Variants in EPHA6 observed in about 807,000 individuals in gnomAD.
EPHA6 encodes EPH receptor A6.
A neutral mutation model predicts 112.0 loss-of-function variants in EPHA6; 50 were observed. The observed-to-expected ratio is 0.45, with a 90% CI of 0.36 to 0.56. The LOEUF (loss-of-function observed/expected upper bound fraction) is 0.56. Among genes scored for constraint, EPHA6 ranks in the 20% least tolerant of loss-of-function variants. EPHA6 has a pLI of 0.00. For missense variants in EPHA6, 1,280 were observed against 1,417.4 expected (o/e 0.90, Z 1.56); for synonymous variants, 529 against 490.7 (o/e 1.08, Z -1.03).
At chr3:97,388,884 A>T (rs749333643) in intron 5 of EPHA6, among the ~76,000 whole-genome samples, 6 of 152,132 alleles carry the variant, frequency 3.9e-5, no homozygotes, top group Non-Finnish European at 7.4e-5. Flanking sequence ...CTGCACAGCT[A>T]TTCTGAGGTT....
chr3:97,221,689 G>A (rs371660324), intron 3 of EPHA6, among the ~76,000 whole-genome samples: 1 of 152,180 alleles, frequency 6.6e-6, no homozygotes, highest in East Asian at 1.9e-4. Flanking sequence ...CTCATGTTCG[G>A]TATTAGCATT....
chr3:97,535,248 C>A (rs1057210403), intron 11 of EPHA6, among the ~76,000 whole-genome samples: 22 of 148,436 alleles, frequency 1.5e-4, no homozygotes, highest in African/African-American at 4.4e-4. Context: ...AGAAATGAGA[C>A]CAGTGACCTC....
chr3:97,259,802 C>A (rs1242518041), intron 5 of EPHA6, among the ~76,000 whole-genome samples: 2 of 141,058 alleles, frequency 1.4e-5, no homozygotes, highest in East Asian at 4.0e-4. Context: ...AGAAAGTATA[C>A]CTTTTTTTTT....
At chr3:97,317,746 T>C (rs944859993) in intron 5 of EPHA6, among the ~76,000 whole-genome samples, 1 of 151,988 alleles carries the variant, frequency 6.6e-6, no homozygotes, top group Non-Finnish European at 1.5e-5. Context: ...GGAGATGAGA[T>C]AATTAAGCAT....
At chr3:97,346,196 A>G (rs2083524115) in intron 5 of EPHA6, among the ~76,000 whole-genome samples, 1 of 152,122 alleles carries the variant, frequency 6.6e-6, no homozygotes, top group Non-Finnish European at 1.5e-5. Context: ...TCTTCCCTTC[A>G]AAGTCTGCAA....
At chr3:97,092,490 A>G (rs1463356460) in intron 3 of EPHA6, among the ~76,000 whole-genome samples, 1 of 152,128 alleles carries the variant, frequency 6.6e-6, no homozygotes, top group Non-Finnish European at 1.5e-5. Flanking sequence ...TTTCCCTCAA[A>G]TACCAGTTTT....
chr3:96,931,022 G>GAAAA lies in EPHA6; in HGVS notation c.451-56307_451-56304dup, dbSNP rs2040297475. On this transcript the variant is annotated intron_variant, in intron 2 of 17. Transcript: ENST00000389672. ...AAAAAAAAAAAAAAAAAAAAAAAAA[G>GAAAA]AAAAGCTTTCTGGCTGCTTTTTGGT... Among the ~76,000 whole-genome samples the GAAAA allele has an allele frequency of 4.3e-4, 43 of 101,124 alleles. 2 individuals are homozygous for GAAAA. Among genetic ancestry groups the GAAAA allele is most frequent in the Non-Finnish European group, 5.5e-4 (27 of 48,856 alleles). 66.3% of individuals were successfully genotyped at this position (101,124 alleles called of 152,430 possible).
intron 5 of EPHA6, among the ~76,000 whole-genome samples, chr3:97,342,381 GT>G (rs1559903498): frequency 6.6e-6 from 1 of 152,150 alleles, no homozygotes; most frequent in Non-Finnish European, 1.5e-5. Flanking sequence ...ATTCAAACAA[GT>G]TTCTTCTATC....
At chr3:97,153,920 C>A (rs1294082787) in intron 3 of EPHA6, among the ~76,000 whole-genome samples, 1 of 152,086 alleles carries the variant, frequency 6.6e-6, no homozygotes, top group Non-Finnish European at 1.5e-5. Context: ...AATCCCAGCA[C>A]TTTGGGAGGC....
In EPHA6 at chr3:96,920,015, G is replaced by A. The variant is rs182353483; in HGVS notation, c.450+53126G>A. Among the ~76,000 whole-genome samples the A allele has an allele frequency of 3.3e-3, 499 of 151,984 alleles. 6 individuals carry two copies. Among genetic ancestry groups the A allele is most frequent in the Non-Finnish European group, 4.4e-3 (299 of 67,784 alleles). On this transcript the variant is annotated intron_variant, in intron 2 of 17. Transcript: ENST00000389672. The stretch of plus-strand genomic sequence containing the variant: ...TAGGACAAACAACAGGCAAGTAAAT[G>A]ACTTTGGAGCAGGCCGAGATTTCTT...
intron 1 of EPHA6, among the ~76,000 whole-genome samples, chr3:96,863,179 T>C (rs1472668191): frequency 3.3e-5 from 5 of 152,196 alleles, no homozygotes; most frequent in African/African-American, 1.2e-4. Flanking sequence ...TTAATCTTCC[T>C]ATTTAAACAT....
At chr3:96,818,221 T>G (rs559560812) in intron 1 of EPHA6, among the ~76,000 whole-genome samples, 1 of 152,120 alleles carries the variant, frequency 6.6e-6, no homozygotes, top group East Asian at 1.9e-4. Flanking sequence ...AGTTAACCAT[T>G]TACCGTGTAT....
intron 6 of EPHA6, among the ~76,000 whole-genome samples, chr3:97,437,299 A>T (rs2089901474): frequency 6.6e-6 from 1 of 152,088 alleles, no homozygotes; most frequent in Non-Finnish European, 1.5e-5. Context: ...TTGTTTTTCA[A>T]TCCGCATCCC....
chr3:97,728,370 G>A (rs894692287), intron 15 of EPHA6, among the ~76,000 whole-genome samples: 4 of 151,952 alleles, frequency 2.6e-5, no homozygotes, highest in African/African-American at 9.7e-5. Context: ...ATGTGTCCTT[G>A]TATTTTCAAA....
chr3:97,725,342 T>C (rs2034713113), intron 15 of EPHA6, among the ~76,000 whole-genome samples: 1 of 152,078 alleles, frequency 6.6e-6, no homozygotes. Flanking sequence ...GCCAGGGAAA[T>C]GGACACTATG....
chr3:97,297,550 G>A lies in EPHA6; in HGVS notation c.1606+53263G>A, dbSNP rs534525707. 2.5e-4 allele frequency among the ~76,000 whole-genome samples: 38 copies of A among 152,106 alleles called. No homozygotes were observed. The East Asian group carries it at 5.8e-3, about 23-fold the overall frequency. On this transcript the variant is annotated intron_variant, in intron 5 of 17. Coordinates refer to ENST00000389672, the MANE Select transcript of EPHA6 (RefSeq NM_001080448.3). ...GAGTTTACATGCTTTACAACAATCC[G>A]TGTAGTATTAATATGAAGGTCCCAG...
intron 11 of EPHA6, among the ~76,000 whole-genome samples, chr3:97,543,122 G>C (rs1335586222): frequency 2.0e-5 from 3 of 152,108 alleles, no homozygotes; most frequent in Non-Finnish European, 4.4e-5. Context: ...TGTCAATTTT[G>C]TCTTTTGTTG....
rs577134424 is a variant in EPHA6, at chr3:97,613,582, G to T, written c.2574+2728G>T. On this transcript the variant is annotated intron_variant, in intron 13 of 17. Coordinates refer to ENST00000389672, the MANE Select transcript of EPHA6 (RefSeq NM_001080448.3). ...AATCTCATACCATTTGGGATCCTTG[G>T]GGACATTCTTCCAGATATATATCGG... Among the ~76,000 whole-genome samples, 6 of 152,180 alleles carry T rather than the reference G, an allele frequency of 3.9e-5. No homozygotes were observed. In the East Asian group the frequency reaches 7.7e-4, roughly 20 times the overall value.
chr3:96,985,938 C>A (rs1169023427), intron 2 of EPHA6, among the ~76,000 whole-genome samples: 1 of 152,098 alleles, frequency 6.6e-6, no homozygotes. Context: ...GTTAAATAAT[C>A]TTATTATAAA....
Sources: allele counts gnomAD v4.1 joint callset (sites outside exome capture counted in the v4.1 genomes callset), GRCh38; gene constraint gnomAD v4.1.1; transcripts MANE v1.5; gene names NCBI Gene and HGNC (gene_info 2026-07-23, HGNC 2026-07-21).